The following NAALADL2 variants were observed in gnomAD, a reference collection of about 807,000 sequenced individuals.
NAALADL2 encodes the protein inactive N-acetylated-alpha-linked acidic dipeptidase-like protein 2.
A neutral mutation model predicts 87.2 loss-of-function variants in NAALADL2; 76 were observed. That is an observed-to-expected ratio of 0.87 (90% CI 0.72 to 1.05). The LOEUF (loss-of-function observed/expected upper bound fraction) is 1.05, where lower values mean the gene tolerates loss of function less well. Among genes scored for constraint, NAALADL2 ranks in the 50% least tolerant of loss-of-function variants. The pLI is 0.00. For missense variants in NAALADL2, 1,089 were observed against 945.8 expected, an observed-to-expected ratio of 1.15 and a Z score of -1.99; for synonymous variants, 354 against 331.0, an observed-to-expected ratio of 1.07 and a Z score of -0.75.
intron 2 of NAALADL2, among the ~76,000 whole-genome samples, chr3:175,138,304 A>G (rs1347045139): frequency 2.0e-5 from 3 of 152,344 alleles, no homozygotes; most frequent in East Asian, 3.9e-4. Context: ...AAGAATTAAT[A>G]TAAGTCATAG....
At chr3:174,621,548 A>AT (rs1490697189) in intron 2 of NAALADL2, among the ~76,000 whole-genome samples, 1 of 152,142 alleles carries the variant, frequency 6.6e-6, no homozygotes, top group Non-Finnish European at 1.5e-5. Flanking sequence ...AGGTCTATAT[A>AT]TATAGACCTC....
chr3:174,788,360 CT>C (rs1717054611), intron 3 of NAALADL2, among the ~76,000 whole-genome samples: 1 of 152,178 alleles, frequency 6.6e-6, no homozygotes. Context: ...TTTGCTAGGT[CT>C]ACTAGAATAA....
At chr3:174,901,004 GAC>G (rs1299798299) in intron 1 of NAALADL2, among the ~76,000 whole-genome samples, 1 of 152,094 alleles carries the variant, frequency 6.6e-6, no homozygotes, top group Non-Finnish European at 1.5e-5. Context: ...TGAAGACAAA[GAC>G]ACTTGAATAT....
intron 1 of NAALADL2, among the ~76,000 whole-genome samples, chr3:175,019,921 G>T (rs1328071354): frequency 6.6e-6 from 1 of 152,038 alleles, no homozygotes; most frequent in Non-Finnish European, 1.5e-5. Context: ...ATGCTATTGG[G>T]AAGAAGGAGT....
At chr3:174,563,612 T>A (rs909580361) in intron 2 of NAALADL2, among the ~76,000 whole-genome samples, 1 of 151,974 alleles carries the variant, frequency 6.6e-6, no homozygotes, top group African/African-American at 2.4e-5. Flanking sequence ...AGTATTCTTA[T>A]TATTATTTGC....
chr3:174,567,372 CTT>C (rs960930956), intron 2 of NAALADL2, among the ~76,000 whole-genome samples: 5 of 151,276 alleles, frequency 3.3e-5, no homozygotes, highest in African/African-American at 1.2e-4. Context: ...TAGATATAGA[CTT>C]TTTGTTTATA....
chr3:174,645,417 C>G (rs1479690931), intron 2 of NAALADL2, among the ~76,000 whole-genome samples: 3 of 152,216 alleles, frequency 2.0e-5, no homozygotes, highest in African/African-American at 7.2e-5. Context: ...TTTGTTCATG[C>G]TGTTGCTTTG....
intron 1 of NAALADL2, among the ~76,000 whole-genome samples, chr3:175,020,824 T>G (rs13314675): frequency 0.21 from 31,540 of 151,988 alleles, 4,422 homozygotes; most frequent in African/African-American, 0.4. Flanking sequence ...TCTCTTCCCT[T>G]TCTGTCTTTC....
chr3:174,476,130 G>A (rs975455844), intron 1 of NAALADL2, among the ~76,000 whole-genome samples: 1 of 151,888 alleles, frequency 6.6e-6, no homozygotes, highest in African/African-American at 2.4e-5. Context: ...TCAAATATTT[G>A]TGAGAATAAC....
chr3:174,502,533 A>AT (rs2108371905), intron 1 of NAALADL2, among the ~76,000 whole-genome samples: 1 of 152,182 alleles, frequency 6.6e-6, no homozygotes, highest in African/African-American at 2.4e-5. Context: ...CAAATCTTTT[A>AT]TTTTTTAAAG....
intron 1 of NAALADL2, among the ~76,000 whole-genome samples, chr3:174,916,506 A>T (rs527933072): frequency 1.2e-4 from 19 of 152,280 alleles, no homozygotes; most frequent in African/African-American, 4.6e-4. Context: ...AAAATGTAGC[A>T]TATATACACC....
chr3:175,427,504 T>C (rs1025050509), intron 5 of NAALADL2, among the ~76,000 whole-genome samples: 7 of 152,198 alleles, frequency 4.6e-5, no homozygotes, highest in African/African-American at 1.7e-4. Flanking sequence ...ATATTTCACA[T>C]ATATGTTAAA....
chr3:175,691,080 A>C (rs1416681725), intron 11 of NAALADL2, among the ~76,000 whole-genome samples: 1 of 151,726 alleles, frequency 6.6e-6, no homozygotes, highest in Admixed American at 6.6e-5. Flanking sequence ...ACCCAATATC[A>C]ACTGAAAAAA....
intron 2 of NAALADL2, among the ~76,000 whole-genome samples, chr3:174,677,502 A>G (rs989325631): frequency 6.6e-6 from 1 of 152,090 alleles, no homozygotes; most frequent in Non-Finnish European, 1.5e-5. Context: ...TACACAGTCA[A>G]TTCTTACTAT....
intron 2 of NAALADL2, among the ~76,000 whole-genome samples, chr3:175,136,464 A>C (rs1018192584): frequency 6.6e-6 from 1 of 152,202 alleles, no homozygotes; most frequent in African/African-American, 2.4e-5. Flanking sequence ...TGTAGGTAGC[A>C]GGTAAGTTGT....
chr3:174,877,129 G>A (rs1728607125), intron 1 of NAALADL2, among the ~76,000 whole-genome samples: 1 of 152,064 alleles, frequency 6.6e-6, no homozygotes, highest in South Asian at 2.1e-4. Flanking sequence ...TTAGCCAGCT[G>A]AAACTGCTTA....
At chr3:175,316,227 C>G (rs1207553494) in intron 4 of NAALADL2, among the ~76,000 whole-genome samples, 3 of 152,048 alleles carry the variant, frequency 2.0e-5, no homozygotes, top group Non-Finnish European at 4.4e-5. Context: ...TAACAGAAGC[C>G]TTGTCAAAGA....
At chr3:175,360,160 A>C (rs1764824194) in intron 5 of NAALADL2, among the ~76,000 whole-genome samples, 1 of 152,056 alleles carries the variant, frequency 6.6e-6, no homozygotes. Flanking sequence ...TTGTATGACT[A>C]TGTAAAGCAT....
chr3:174,560,220 T>A (rs558223568), intron 2 of NAALADL2, among the ~76,000 whole-genome samples: 17 of 152,244 alleles, frequency 1.1e-4, no homozygotes, highest in Admixed American at 1.0e-3. Flanking sequence ...TTCCTGCTTT[T>A]ACAATGTTCA....
Sources: allele counts gnomAD v4.1 joint callset (sites outside exome capture counted in the v4.1 genomes callset), GRCh38; gene constraint gnomAD v4.1.1; transcripts MANE v1.5; gene names NCBI Gene and HGNC (gene_info 2026-07-23, HGNC 2026-07-21).